The following EGFLAM variants were observed in gnomAD, a reference collection of about 807,000 sequenced individuals.
EGFLAM encodes EGF like, fibronectin type III and laminin G domains, also known as pikachurin.
EGFLAM carries 79 observed loss-of-function variants against 113.1 expected under a neutral mutation model. The ratio of observed to expected loss-of-function variants is 0.70; its 90% CI spans 0.58 to 0.84. EGFLAM has a LOEUF of 0.84. EGFLAM is among the 40% of genes least tolerant of loss of function. The pLI is 0.00. For synonymous variants in EGFLAM, 504 were observed against 487.6 expected, an observed-to-expected ratio of 1.03 and a Z score of -0.44; for missense variants, 1,265 against 1,291.6, an observed-to-expected ratio of 0.98 and a Z score of 0.32.
intron 1 of EGFLAM, among the ~76,000 whole-genome samples, chr5:38,317,385 A>C (rs943241215): frequency 5.3e-5 from 8 of 152,194 alleles, no homozygotes; most frequent in Admixed American, 4.6e-4. Flanking sequence ...ACATCCTCTC[A>C]CCATGCCTTG....
intron 19 of EGFLAM, among the ~76,000 whole-genome samples, chr5:38,456,439 CAAG>C (rs1347375861): frequency 6.6e-6 from 1 of 152,156 alleles, no homozygotes; most frequent in African/African-American, 2.4e-5. Flanking sequence ...CCTATTCATT[CAAG>C]AAGTATTTAG....
At chr5:38,391,909 T>C (rs551588230) in intron 6 of EGFLAM, among the ~76,000 whole-genome samples, 1 of 152,188 alleles carries the variant, frequency 6.6e-6, no homozygotes, top group Admixed American at 6.5e-5. Flanking sequence ...CCCGAGTAGC[T>C]GGGATTACAG....
At chr5:38,279,502 T>C (rs1757964729) in intron 1 of EGFLAM, among the ~76,000 whole-genome samples, 1 of 152,182 alleles carries the variant, frequency 6.6e-6, no homozygotes. Context: ...AAAGAAAATG[T>C]GGCGCATATC....
At chr5:38,326,692 C>T (rs1479308335) in intron 1 of EGFLAM, among the ~76,000 whole-genome samples, 1 of 151,404 alleles carries the variant, frequency 6.6e-6, no homozygotes, top group South Asian at 2.1e-4. Flanking sequence ...TGGGGTTTCA[C>T]CATGTTAGCC....
intron 19 of EGFLAM, among the ~76,000 whole-genome samples, chr5:38,452,274 C>T (rs958429094): frequency 3.3e-5 from 5 of 152,036 alleles, no homozygotes; most frequent in Admixed American, 2.6e-4. Flanking sequence ...TCAGGTGATC[C>T]ACCCGCTTCG....
chr5:38,309,202 C>T (rs777655460), intron 1 of EGFLAM, among the ~76,000 whole-genome samples: 11 of 152,188 alleles, frequency 7.2e-5, no homozygotes, highest in Non-Finnish European at 1.6e-4. Flanking sequence ...GTACATACTA[C>T]ATAATAATGT....
intron 15 of EGFLAM, among the ~76,000 whole-genome samples, chr5:38,433,220 C>G (rs1742241930): frequency 6.6e-6 from 1 of 152,168 alleles, no homozygotes; most frequent in Admixed American, 6.5e-5. Flanking sequence ...GAGGGGCTAA[C>G]CCAGGACCTA....
Position 38,418,068 on chromosome 5 carries a change from C to G in EGFLAM, c.1497C>G (p.Gly499=). The change falls in exon 12 of 22, where the codon GGC becomes GGG. Residue 499 remains glycine (G), a splice_region_variant and synonymous_variant. Transcript: ENST00000322350. ...ATGAGTGGTCATCTTTCTTAAAGGG[C>G]CAATACAGTAAAATTACTTTCCGGA... ...NGTPVTGQSQ[G]QYSKITFRTP... 1 of 1,612,832 alleles carries G rather than the reference C, an allele frequency of 6.2e-7. No homozygotes were observed. The highest frequency in any genetic ancestry group is 1.1e-5 in the South Asian group (1 of 90,874).
chr5:38,436,039 A>G (rs1285184109), intron 16 of EGFLAM, among the ~76,000 whole-genome samples: 1 of 152,032 alleles, frequency 6.6e-6, no homozygotes, highest in East Asian at 1.9e-4. Flanking sequence ...GCTGGTCTCG[A>G]ACTCCTGACC....
chr5:38,433,439 C>G (rs899601884), intron 15 of EGFLAM, among the ~76,000 whole-genome samples: 2 of 152,184 alleles, frequency 1.3e-5, no homozygotes, highest in Non-Finnish European at 2.9e-5. Context: ...GATCCAGACA[C>G]AAAACCCCTC....
At chr5:38,413,831 A>G (rs1354393912) in intron 11 of EGFLAM, among the ~76,000 whole-genome samples, 1 of 152,078 alleles carries the variant, frequency 6.6e-6, no homozygotes, top group Non-Finnish European at 1.5e-5. Flanking sequence ...AAGTTGGGGG[A>G]TGGTTTCGGG....
chr5:38,427,010 T>C lies in EGFLAM; in HGVS notation c.1812T>C (p.Ala604=), dbSNP rs757927784. The change falls in exon 14 of 22, where the codon GCT becomes GCC. Residue 604 remains alanine, a splice_region_variant and synonymous_variant. Transcript: ENST00000322350. ...CTAACACCATGCTTGTTTTTTCAGC[T>C]TTCACCTTGACCATTCCTCAGTTCA... The part of the protein sequence containing the change: ...LGFKGRHCED[A]FTLTIPQFRE... The C allele has an allele frequency of 6.2e-7, 1 of 1,613,734 alleles. No homozygotes were observed. The highest frequency in any genetic ancestry group is 2.2e-5 in the East Asian group (1 of 44,872).
intron 11 of EGFLAM, among the ~76,000 whole-genome samples, chr5:38,416,689 A>G (rs1741652912): frequency 6.6e-6 from 1 of 152,200 alleles, no homozygotes; most frequent in Admixed American, 6.5e-5. Context: ...CATGGAACAA[A>G]ACTGGAAGGG....
chr5:38,409,610 G>A (rs1741408534), intron 10 of EGFLAM, among the ~76,000 whole-genome samples: 1 of 152,212 alleles, frequency 6.6e-6, no homozygotes, highest in Non-Finnish European at 1.5e-5. Context: ...GATGCAGAGT[G>A]AGCCAAAGGA....
At chr5:38,451,718 C>T in intron 19 of EGFLAM, 1 of 429,502 alleles carries the variant, frequency 2.3e-6, no homozygotes, top group East Asian at 4.0e-5. Context: ...GGGCCGGGCA[C>T]AGTGGCTCAC....
chr5:38,373,259 G>A (rs1351258564), intron 6 of EGFLAM, among the ~76,000 whole-genome samples: 1 of 152,134 alleles, frequency 6.6e-6, no homozygotes, highest in African/African-American at 2.4e-5. Flanking sequence ...TTTTGGCAAG[G>A]TTGATCATTG....
chr5:38,405,320 T>G (rs1741248944), intron 6 of EGFLAM, among the ~76,000 whole-genome samples: 1 of 152,208 alleles, frequency 6.6e-6, no homozygotes, highest in Non-Finnish European at 1.5e-5. Context: ...TATCTTCCCT[T>G]GGGTATTTAT....
chr5:38,322,294 G>A (rs184637501), intron 1 of EGFLAM, among the ~76,000 whole-genome samples: 1 of 152,300 alleles, frequency 6.6e-6, no homozygotes, highest in East Asian at 1.9e-4. Context: ...CCAGGAAAAG[G>A]GCTCGGGACT....
At chr5:38,281,965 C>G (rs1183289832) in intron 1 of EGFLAM, among the ~76,000 whole-genome samples, 1 of 152,194 alleles carries the variant, frequency 6.6e-6, no homozygotes, top group African/African-American at 2.4e-5. Context: ...TTCTTCATCT[C>G]TTGAGAGTCA....
Sources: allele counts gnomAD v4.1 joint callset (sites outside exome capture counted in the v4.1 genomes callset), GRCh38; gene constraint gnomAD v4.1.1; transcripts MANE v1.5; gene names NCBI Gene and HGNC (gene_info 2026-07-23, HGNC 2026-07-21).